The following ANK3 variants were observed in gnomAD, a reference collection of about 807,000 sequenced individuals.
ANK3 encodes the protein ankyrin-3.
A neutral mutation model predicts 370.9 loss-of-function variants in ANK3; 57 were observed. That is an observed-to-expected ratio of 0.15 (90% CI 0.12 to 0.19). The LOEUF (loss-of-function observed/expected upper bound fraction) is 0.19, where lower values mean the gene tolerates loss of function less well. Ranked by LOEUF, ANK3 falls within the 10% of genes least tolerant of loss-of-function variation. The pLI is 1.00. For synonymous variants in ANK3, 1,929 were observed against 1,946.3 expected, an observed-to-expected ratio of 0.99 and a Z score of 0.23; for missense variants, 4,439 against 5,302.1, an observed-to-expected ratio of 0.84 and a Z score of 5.06.
chr10:60,529,223 T>C (rs1012099368), intron 2 of ANK3, among the ~76,000 whole-genome samples: 9 of 152,096 alleles, frequency 5.9e-5, no homozygotes, highest in African/African-American at 2.2e-4. Flanking sequence ...GAAACAACAG[T>C]CATGTATATA....
At chr10:60,358,000 C>T (rs892340370) in intron 1 of ANK3, among the ~76,000 whole-genome samples, 12 of 152,064 alleles carry the variant, frequency 7.9e-5, no homozygotes, top group African/African-American at 2.9e-4. Context: ...CCATTATCTC[C>T]TGTCCCTTTT....
chr10:60,501,453 T>C (rs1177011914), intron 2 of ANK3, among the ~76,000 whole-genome samples: 1 of 152,064 alleles, frequency 6.6e-6, no homozygotes, highest in African/African-American at 2.4e-5. Context: ...GCCTGTAATC[T>C]CAGCATTTTA....
chr10:60,454,509 A>G (rs1337806517), intron 2 of ANK3, among the ~76,000 whole-genome samples: 1 of 152,166 alleles, frequency 6.6e-6, no homozygotes, highest in Non-Finnish European at 1.5e-5. Flanking sequence ...AGGGACAGGA[A>G]GAGCACTTCC....
chr10:60,549,299 A>C (rs1018071327), intron 2 of ANK3, among the ~76,000 whole-genome samples: 2 of 152,188 alleles, frequency 1.3e-5, no homozygotes, highest in Non-Finnish European at 2.9e-5. Flanking sequence ...TTAGAATATT[A>C]ATAATTAATA....
At chr10:60,374,343 G>T (rs2060493266) in intron 1 of ANK3, among the ~76,000 whole-genome samples, 2 of 152,250 alleles carry the variant, frequency 1.3e-5, no homozygotes, top group Admixed American at 6.5e-5. Flanking sequence ...GATACAAACA[G>T]TTGTAAAATA....
chr10:60,664,961 A>G (rs1220511447), intron 1 of ANK3, among the ~76,000 whole-genome samples: 1 of 152,232 alleles, frequency 6.6e-6, no homozygotes, highest in Non-Finnish European at 1.5e-5. Context: ...AGAATCAATT[A>G]TAAATTTTTA....
At chr10:60,240,060 T>C (rs199876323) in intron 7 of ANK3, among the ~76,000 whole-genome samples, 5 of 62,036 alleles carry the variant, frequency 8.1e-5, no homozygotes, top group East Asian at 8.7e-4. Context: ...TATATACACA[T>C]ATATACATAT....
At chr10:60,611,832 T>G (rs2078205987) in intron 2 of ANK3, among the ~76,000 whole-genome samples, 1 of 149,984 alleles carries the variant, frequency 6.7e-6, no homozygotes, top group African/African-American at 2.5e-5. Context: ...TGACCTCGGT[T>G]TCTTAAATGT....
At chr10:60,343,622 G>C (rs917603461) in intron 1 of ANK3, among the ~76,000 whole-genome samples, 1 of 152,188 alleles carries the variant, frequency 6.6e-6, no homozygotes, top group African/African-American at 2.4e-5. Context: ...GAAATGATCA[G>C]AAATGGCTCC....
At chr10:60,411,580 G>A (rs1371854719) in intron 2 of ANK3, among the ~76,000 whole-genome samples, 1 of 152,126 alleles carries the variant, frequency 6.6e-6, no homozygotes, top group Non-Finnish European at 1.5e-5. Flanking sequence ...TCCAGCTGGG[G>A]CAGGTACCTC....
intron 26 of ANK3, among the ~76,000 whole-genome samples, chr10:60,113,614 G>T (rs986849421): frequency 5.3e-5 from 8 of 152,166 alleles, no homozygotes; most frequent in Non-Finnish European, 1.2e-4. Flanking sequence ...AGAAACTGAG[G>T]TGGGAGAATG....
intron 2 of ANK3, among the ~76,000 whole-genome samples, chr10:60,505,930 G>A (rs1244277353): frequency 3.3e-5 from 5 of 151,930 alleles, no homozygotes; most frequent in Admixed American, 3.3e-4. Context: ...CACTGTGTGG[G>A]GCAGGTTCAA....
At chr10:60,481,872 C>T (rs931581446) in intron 2 of ANK3, among the ~76,000 whole-genome samples, 1 of 152,108 alleles carries the variant, frequency 6.6e-6, no homozygotes, top group African/African-American at 2.4e-5. Flanking sequence ...TGTCTTTATC[C>T]CCAGTGAATT....
intron 7 of ANK3, among the ~76,000 whole-genome samples, chr10:60,246,325 T>C (rs1420298489): frequency 1.3e-5 from 2 of 151,128 alleles, no homozygotes; most frequent in Admixed American, 6.6e-5. Context: ...TTTTTTTTTT[T>C]CCTCTTTCTT....
chr10:60,446,965 G>A (rs534936052), intron 2 of ANK3, among the ~76,000 whole-genome samples: 51 of 152,258 alleles, frequency 3.3e-4, no homozygotes, highest in Middle Eastern at 3.4e-3. Context: ...GAAGTACTAC[G>A]GAAGCAGGAA....
At chr10:60,588,691 C>T (rs2077868284) in intron 2 of ANK3, among the ~76,000 whole-genome samples, 1 of 151,946 alleles carries the variant, frequency 6.6e-6, no homozygotes, top group South Asian at 2.1e-4. Context: ...GAGGCCAAGA[C>T]AGCCCAGGAG....
At chr10:60,549,171 AC>A (rs2077036763) in intron 2 of ANK3, among the ~76,000 whole-genome samples, 1 of 151,450 alleles carries the variant, frequency 6.6e-6, no homozygotes, top group Non-Finnish European at 1.5e-5. Flanking sequence ...ACACACACAC[AC>A]ACATACCATC....
intron 1 of ANK3, among the ~76,000 whole-genome samples, chr10:60,696,525 C>G (rs1206052582): frequency 6.6e-6 from 1 of 151,460 alleles, no homozygotes; most frequent in Non-Finnish European, 1.5e-5. Context: ...CAAACCGAAT[C>G]CAGCAGTACA....
chr10:60,593,497 T>G (rs1193432980), intron 2 of ANK3, among the ~76,000 whole-genome samples: 1 of 152,182 alleles, frequency 6.6e-6, no homozygotes, highest in Non-Finnish European at 1.5e-5. Context: ...AGCCTCCAAA[T>G]CTTTTTCATG....
Sources: gnomAD v4.1 joint callset for allele counts (sites outside exome capture counted in the v4.1 genomes callset) on GRCh38, gnomAD v4.1.1 for gene constraint, MANE v1.5 for transcripts, NCBI Gene and HGNC (gene_info 2026-07-23, HGNC 2026-07-21) for gene names.